Variants in DTNA observed in about 807,000 individuals in gnomAD.
DTNA encodes dystrobrevin alpha.
In DTNA, 43 loss-of-function variants were observed where a neutral mutation model predicts 100.7. The ratio of observed to expected loss-of-function variants is 0.43; its 90% confidence interval spans 0.33 to 0.55. The LOEUF (loss-of-function observed/expected upper bound fraction) is 0.55. Among genes scored for constraint, DTNA ranks in the 20% least tolerant of loss-of-function variants. The pLI is 0.04. For missense variants in DTNA, 798 were observed against 953.9 expected (o/e 0.84, Z 2.15); for synonymous variants, 349 against 347.9 (o/e 1.00, Z -0.04).
intron 1 of DTNA, chr18:34,504,022 T>C (rs1342962132): frequency 1.3e-5 from 2 of 151,852 alleles, no homozygotes; most frequent in African/African-American, 4.8e-5. Flanking sequence ...TTTCTTTCTT[T>C]TTTTTTTGTA....
intron 1 of DTNA, among the ~76,000 whole-genome samples, chr18:34,532,627 A>G (rs533182577): frequency 3.6e-4 from 54 of 152,062 alleles, no homozygotes; most frequent in Non-Finnish European, 7.5e-4. Context: ...CTCTAATCTC[A>G]TACAATTTTA....
intron 1 of DTNA, among the ~76,000 whole-genome samples, chr18:34,579,193 G>A (rs2146610121): frequency 6.6e-6 from 1 of 152,082 alleles, no homozygotes; most frequent in South Asian, 2.1e-4. Flanking sequence ...GCTGTCCTTT[G>A]CTTTCTTCTG....
intron 1 of DTNA, among the ~76,000 whole-genome samples, chr18:34,496,205 A>AACACACACACACACACACACACACAC (rs367764683): frequency 1.4e-5 from 2 of 138,498 alleles, no homozygotes; most frequent in South Asian, 2.4e-4. Context: ...CCCTCCCTGC[A>AACACACACACACACACACACACACAC]ACACACACAC....
chr18:34,724,901 A>T (rs1403750080), intron 1 of DTNA, among the ~76,000 whole-genome samples: 2 of 152,212 alleles, frequency 1.3e-5, no homozygotes, highest in Non-Finnish European at 2.9e-5. Flanking sequence ...GATCAATGGA[A>T]CAGAACATTG....
rs150410546 is a variant in DTNA at position 34,879,674 on chromosome 18, G to T, written c.2117G>T (p.Gly706Val). The stretch of plus-strand genomic sequence containing the variant: ...GCGCAAATCCATGCCCGAAAACCTG[G>T]GTACATTCACAGTGGAGCTACCACA... ...FLAQIHARKPGYIHSGATTST... is the reference protein window; with the variant it reads ...FLAQIHARKPVYIHSGATTST... Residue 706 changes from glycine to valine, a missense_variant, in exon 20 of 23, where the codon GGG (glycine) becomes GTG (valine). By Grantham distance (109) the Gly-to-Val change is moderately radical (BLOSUM62 -3). Coordinates refer to ENST00000444659, the MANE Select transcript of DTNA (RefSeq NM_001386795.1). 1 of 1,614,036 alleles carries T rather than the reference G, an allele frequency of 6.2e-7. No individual in the cohort carries two copies.
intron 1 of DTNA, among the ~76,000 whole-genome samples, chr18:34,562,839 C>A (rs1356861503): frequency 6.6e-6 from 1 of 152,182 alleles, no homozygotes; most frequent in Non-Finnish European, 1.5e-5. Context: ...GTTAATCACC[C>A]ATTAGAGAGT....
chr18:34,538,915 A>T (rs1400018234), intron 1 of DTNA, among the ~76,000 whole-genome samples: 1 of 152,006 alleles, frequency 6.6e-6, no homozygotes, highest in East Asian at 1.9e-4. Flanking sequence ...CTTATTTATA[A>T]ATTAAAATTT....
At chr18:34,790,801 A>C (rs2094704641) in intron 3 of DTNA, among the ~76,000 whole-genome samples, 1 of 152,182 alleles carries the variant, frequency 6.6e-6, no homozygotes, top group African/African-American at 2.4e-5. Context: ...GAACTGACTC[A>C]GCCAAACAGT....
At position 34,889,541 on chromosome 18, in the gene DTNA, C is replaced by T. The variant is rs1178533518; in HGVS notation, c.*1807C>T. On this transcript the variant is annotated 3_prime_UTR_variant, in exon 23 of 23. Coordinates refer to ENST00000444659, the MANE Select transcript of DTNA (RefSeq NM_001386795.1). The stretch of plus-strand genomic sequence containing the variant: ...CAAAAACCTTCTCTGAACCCACACA[C>T]CAAGTTCGTAGTTGGTAGGTGCCCA... 8 of 985,334 alleles carry T rather than the reference C, an allele frequency of 8.1e-6. No individual in the cohort carries two copies. In the African/African-American group the frequency reaches 1.4e-4, roughly 17 times the overall value. 61.0% of individuals were successfully genotyped at this position (985,334 alleles called of 1,614,324 possible).
At chr18:34,494,028 C>A (rs1411216574) in intron 1 of DTNA, 1 of 150,726 alleles carries the variant, frequency 6.6e-6, no homozygotes, top group Non-Finnish European at 1.5e-5. Context: ...GCAGGTAAAT[C>A]TCCCCCGCCC....
At chr18:34,879,831 A>G in intron 20 of DTNA, 112 bp downstream of exon 20, 2 of 1,375,360 alleles carry the variant, frequency 1.5e-6, no homozygotes, top group South Asian at 2.5e-5. Context: ...AGAAGGGGTG[A>G]CATAGTTTTC....
At chr18:34,520,275 C>G (rs1213093720) in intron 1 of DTNA, among the ~76,000 whole-genome samples, 2 of 152,198 alleles carry the variant, frequency 1.3e-5, no homozygotes, top group Non-Finnish European at 2.9e-5. Context: ...ATCCAAAGAA[C>G]ACTTTTAAAT....
chr18:34,698,184 C>T (rs2080856407), intron 1 of DTNA, among the ~76,000 whole-genome samples: 1 of 152,194 alleles, frequency 6.6e-6, no homozygotes, highest in Admixed American at 6.5e-5. Context: ...ATTGTCTTCT[C>T]ACCCTGTAGA....
chr18:34,697,756 G>A (rs561477063), intron 1 of DTNA, among the ~76,000 whole-genome samples: 21 of 152,180 alleles, frequency 1.4e-4, no homozygotes, highest in African/African-American at 4.6e-4. Context: ...AGGATAGGCC[G>A]ATTCTTCCTG....
At chr18:34,566,018 G>T (rs1421119889) in intron 1 of DTNA, among the ~76,000 whole-genome samples, 1 of 152,182 alleles carries the variant, frequency 6.6e-6, no homozygotes, top group Non-Finnish European at 1.5e-5. Context: ...GTGACTGTGG[G>T]AATATTAATG....
chr18:34,597,582 C>A (rs1376555912), intron 1 of DTNA, among the ~76,000 whole-genome samples: 2 of 152,156 alleles, frequency 1.3e-5, no homozygotes, highest in Admixed American at 6.5e-5. Context: ...ATTCATGACT[C>A]CCTTCAAAAT....
chr18:34,559,566 A>G (rs543994674), intron 1 of DTNA, among the ~76,000 whole-genome samples: 1 of 152,348 alleles, frequency 6.6e-6, no homozygotes, highest in Non-Finnish European at 1.5e-5. Context: ...TCAAAAGGAA[A>G]TAAGTGCCTG....
At chr18:34,782,766 G>A (rs2094377405) in intron 3 of DTNA, among the ~76,000 whole-genome samples, 2 of 152,202 alleles carry the variant, frequency 1.3e-5, no homozygotes, top group South Asian at 4.1e-4. Context: ...AGTAGACTGA[G>A]GTCCAAACAC....
At chr18:34,600,151 T>C (rs1343617074) in intron 1 of DTNA, among the ~76,000 whole-genome samples, 2 of 152,186 alleles carry the variant, frequency 1.3e-5, no homozygotes, top group South Asian at 2.1e-4. Flanking sequence ...GAGATACTTA[T>C]GTAACAGAAG....
Sources: gnomAD v4.1 joint callset for allele counts (sites outside exome capture counted in the v4.1 genomes callset) on GRCh38, gnomAD v4.1.1 for gene constraint, MANE v1.5 for transcripts, NCBI Gene and HGNC (gene_info 2026-07-23, HGNC 2026-07-21) for gene names.